The following NELL1 variants were observed in gnomAD, a reference collection of about 807,000 sequenced individuals.
NELL1 encodes the protein neural EGFL like 1.
A neutral mutation model predicts 107.4 loss-of-function variants in NELL1; 76 were observed. The observed-to-expected ratio is 0.71, with a 90% CI of 0.59 to 0.86. The LOEUF (loss-of-function observed/expected upper bound fraction) is 0.86. Ranked by LOEUF, NELL1 falls within the 40% of genes least tolerant of loss-of-function variation. The pLI is 0.00. For synonymous variants in NELL1, 353 were observed against 341.2 expected, an observed-to-expected ratio of 1.03 and a Z score of -0.38; for missense variants, 1,024 against 1,005.5, an observed-to-expected ratio of 1.02 and a Z score of -0.25.
intron 3 of NELL1, among the ~76,000 whole-genome samples, chr11:20,820,142 G>A (rs1590324942): frequency 6.6e-6 from 1 of 152,160 alleles, no homozygotes; most frequent in South Asian, 2.1e-4. Context: ...ATGCTTTGTT[G>A]TTTCTGGGAG....
chr11:20,757,155 A>C (rs1406640477), intron 2 of NELL1, among the ~76,000 whole-genome samples: 2 of 146,686 alleles, frequency 1.4e-5, no homozygotes, highest in Non-Finnish European at 3.0e-5. Flanking sequence ...ATTTTCCTTT[A>C]CACTTAGTTT....
chr11:21,028,118 C>T (rs1040131601), intron 12 of NELL1, among the ~76,000 whole-genome samples: 1 of 152,098 alleles, frequency 6.6e-6, no homozygotes, highest in Admixed American at 6.6e-5. Flanking sequence ...ATCTTGTGTA[C>T]CCACACCCTA....
At chr11:21,263,149 A>G (rs1670629) in intron 14 of NELL1, among the ~76,000 whole-genome samples, 132,103 of 151,888 alleles carry the variant, frequency 0.87, 57,628 homozygotes, top group Non-Finnish European at 0.9. Flanking sequence ...GGATAGTGAT[A>G]ATGAAGTGTT....
At chr11:21,488,616 A>G (rs987683353) in intron 15 of NELL1, among the ~76,000 whole-genome samples, 1 of 152,174 alleles carries the variant, frequency 6.6e-6, no homozygotes, top group African/African-American at 2.4e-5. Flanking sequence ...AGAAAACTAG[A>G]AATCAATACC....
intron 12 of NELL1, among the ~76,000 whole-genome samples, chr11:21,098,989 T>C (rs1221885560): frequency 6.6e-6 from 1 of 152,080 alleles, no homozygotes. Context: ...TTGTGTATTT[T>C]AATTGTATTT....
At chr11:21,485,890 T>C (rs1181139646) in intron 15 of NELL1, among the ~76,000 whole-genome samples, 1 of 151,926 alleles carries the variant, frequency 6.6e-6, no homozygotes, top group Non-Finnish European at 1.5e-5. Context: ...CCTAAACACT[T>C]TTCCCAGGGT....
intron 14 of NELL1, among the ~76,000 whole-genome samples, chr11:21,352,740 C>G (rs887866104): frequency 6.6e-6 from 1 of 152,120 alleles, no homozygotes; most frequent in African/African-American, 2.4e-5. Flanking sequence ...GCTTTTCTTA[C>G]GTGAGCTCTC....
At chr11:21,553,966 T>G (rs548237017) in intron 16 of NELL1, among the ~76,000 whole-genome samples, 1 of 152,022 alleles carries the variant, frequency 6.6e-6, no homozygotes, top group Non-Finnish European at 1.5e-5. Context: ...TTTAGTAGAC[T>G]GCAGCAATAA....
chr11:21,186,392 C>T (rs1428537239), intron 13 of NELL1, among the ~76,000 whole-genome samples: 2 of 151,866 alleles, frequency 1.3e-5, no homozygotes, highest in East Asian at 1.9e-4. Context: ...TGTTCATATT[C>T]TCTCTATCTA....
At chr11:21,063,844 T>A (rs901085025) in intron 12 of NELL1, among the ~76,000 whole-genome samples, 1 of 152,194 alleles carries the variant, frequency 6.6e-6, no homozygotes, top group Non-Finnish European at 1.5e-5. Flanking sequence ...AACTAACTAA[T>A]AAATCAATTA....
chr11:21,508,896 A>G (rs1331540011), intron 15 of NELL1, among the ~76,000 whole-genome samples: 1 of 152,164 alleles, frequency 6.6e-6, no homozygotes, highest in Non-Finnish European at 1.5e-5. Context: ...TGAAAAACAT[A>G]TACAACAAAA....
chr11:20,777,416 A>G (rs1353448655), intron 2 of NELL1, among the ~76,000 whole-genome samples: 1 of 152,208 alleles, frequency 6.6e-6, no homozygotes, highest in Non-Finnish European at 1.5e-5. Flanking sequence ...AGTGGAGATG[A>G]AAGTCCCTTA....
At chr11:21,126,686 C>A (rs1334524311) in intron 13 of NELL1, among the ~76,000 whole-genome samples, 1 of 152,176 alleles carries the variant, frequency 6.6e-6, no homozygotes, top group South Asian at 2.1e-4. Flanking sequence ...TACTAAGTAG[C>A]TCTTAAAGCA....
At chr11:20,740,849 C>T (rs1437715966) in intron 2 of NELL1, among the ~76,000 whole-genome samples, 1 of 152,092 alleles carries the variant, frequency 6.6e-6, no homozygotes, top group African/African-American at 2.4e-5. Flanking sequence ...TGGATTCAAA[C>T]TCCTGGGCCC....
rs535483028 is a variant in NELL1, at chr11:21,023,877, A to G, written c.1300+63317A>G. ...TTGAATCAATGGGTTTCAGTGTACCATATTTTACTTTTTCATTTTTTACAT... is the reference window on the plus strand; with the variant it reads ...TTGAATCAATGGGTTTCAGTGTACCGTATTTTACTTTTTCATTTTTTACAT... On this transcript the variant is annotated intron_variant, in intron 12 of 19. Coordinates refer to ENST00000357134, the MANE Select transcript of NELL1 (RefSeq NM_006157.5). 6.6e-5 allele frequency among the ~76,000 whole-genome samples: 10 copies of G among 152,200 alleles called. No individual in the cohort carries two copies. The East Asian group carries it at 1.7e-3, about 27-fold the overall frequency.
intron 14 of NELL1, among the ~76,000 whole-genome samples, chr11:21,370,131 G>A (rs916763817): frequency 6.6e-6 from 1 of 151,944 alleles, no homozygotes; most frequent in East Asian, 1.9e-4. Context: ...ATGTACTAAC[G>A]GGAACTAACC....
intron 5 of NELL1, among the ~76,000 whole-genome samples, chr11:20,893,855 T>TAAAAA (rs10658756): frequency 1.6e-5 from 2 of 127,154 alleles, no homozygotes; most frequent in African/African-American, 3.0e-5. Context: ...GTGAGGTAGT[T>TAAAAA]AAAAAAAAAA....
At chr11:21,222,257 G>A (rs757534130) in intron 13 of NELL1, among the ~76,000 whole-genome samples, 23 of 152,060 alleles carry the variant, frequency 1.5e-4, no homozygotes, top group Non-Finnish European at 2.9e-4. Context: ...TTGGCTCACT[G>A]CAAGCTCTGC....
intron 15 of NELL1, among the ~76,000 whole-genome samples, chr11:21,390,418 G>GT (rs1851844435): frequency 2.7e-5 from 4 of 150,180 alleles, no homozygotes; most frequent in Non-Finnish European, 5.9e-5. Context: ...TATTTCTAGA[G>GT]TTTTTTCAGT....
Sources: gnomAD v4.1 joint callset for allele counts (sites outside exome capture counted in the v4.1 genomes callset) on GRCh38, gnomAD v4.1.1 for gene constraint, MANE v1.5 for transcripts, NCBI Gene and HGNC (gene_info 2026-07-23, HGNC 2026-07-21) for gene names.